Variants in DGKB observed in about 807,000 individuals in gnomAD.
The protein encoded by DGKB is 90 kDa diacylglycerol kinase.
DGKB carries 67 observed loss-of-function variants against 114.3 expected under a neutral mutation model. The observed-to-expected ratio is 0.59, with a 90% CI of 0.48 to 0.72. The LOEUF (loss-of-function observed/expected upper bound fraction) is 0.72. Among genes scored for constraint, DGKB ranks in the 30% least tolerant of loss-of-function variants. The pLI is 0.00. For synonymous variants in DGKB, 398 were observed against 323.1 expected (o/e 1.23, Z -2.49); for missense variants, 907 against 975.2 (o/e 0.93, Z 0.93).
At chr7:14,311,632 C>A (rs563020683) in intron 23 of DGKB, among the ~76,000 whole-genome samples, 1 of 152,202 alleles carries the variant, frequency 6.6e-6, no homozygotes, top group East Asian at 1.9e-4. Context: ...TGCCACATTG[C>A]CCAGGCTGGT....
intron 4 of DGKB, among the ~76,000 whole-genome samples, chr7:14,751,918 G>A (rs184468596): frequency 7.4e-4 from 113 of 152,286 alleles, no homozygotes; most frequent in African/African-American, 2.4e-3. Context: ...ATTAAAGTAT[G>A]ACCACAGCCA....
intron 23 of DGKB, among the ~76,000 whole-genome samples, chr7:14,303,648 G>T (rs1803942933): frequency 6.6e-6 from 1 of 151,778 alleles, no homozygotes; most frequent in African/African-American, 2.4e-5. Context: ...ATGAATCATG[G>T]CAGTACTCTC....
chr7:14,803,691 G>T (rs1842454769), intron 2 of DGKB, among the ~76,000 whole-genome samples: 3 of 151,986 alleles, frequency 2.0e-5, no homozygotes, highest in Admixed American at 1.3e-4. Flanking sequence ...GGTCTACTAA[G>T]ATCTTTCCTC....
chr7:14,628,307 A>ATGTGTGTGTGTGTGTGTGTGTG (rs139191761), intron 14 of DGKB, among the ~76,000 whole-genome samples: 437 of 150,568 alleles, frequency 2.9e-3, no homozygotes, highest in African/African-American at 9.1e-3. Context: ...AACACAAGTT[A>ATGTGTGTGTGTGTGTGTGTGTG]TGTGTGTGTG....
chr7:14,475,507 A>T (rs1242331848), intron 21 of DGKB, among the ~76,000 whole-genome samples: 1 of 152,158 alleles, frequency 6.6e-6, no homozygotes, highest in Non-Finnish European at 1.5e-5. Flanking sequence ...AATATATGGA[A>T]TTCTGTGGCT....
At chr7:14,202,945 C>G (rs993729949) in intron 23 of DGKB, among the ~76,000 whole-genome samples, 4 of 151,898 alleles carry the variant, frequency 2.6e-5, no homozygotes, top group African/African-American at 9.6e-5. Flanking sequence ...ACATTATGAT[C>G]AAAGCAGAAT....
At chr7:14,946,299 G>A (rs1562895117) in intron 1 of DGKB, among the ~76,000 whole-genome samples, 2 of 151,180 alleles carry the variant, frequency 1.3e-5, no homozygotes, top group Non-Finnish European at 3.0e-5. Context: ...GAGTTTTAAG[G>A]AAAAAAAGAA....
intron 1 of DGKB, among the ~76,000 whole-genome samples, chr7:14,916,963 G>T (rs1225375959): frequency 1.3e-5 from 2 of 151,850 alleles, no homozygotes; most frequent in Non-Finnish European, 2.9e-5. Flanking sequence ...GAACTACGCA[G>T]AAATCAATAA....
chr7:14,426,072 C>T (rs914299663), intron 21 of DGKB, among the ~76,000 whole-genome samples: 10 of 152,046 alleles, frequency 6.6e-5, no homozygotes, highest in East Asian at 1.9e-4. Flanking sequence ...TTGTGGCTAC[C>T]GCTAATAGCT....
chr7:14,385,789 T>A (rs748564141), intron 21 of DGKB, among the ~76,000 whole-genome samples: 2 of 152,204 alleles, frequency 1.3e-5, no homozygotes, highest in African/African-American at 2.4e-5. Context: ...AATAATAAGA[T>A]CTAGCAGTAG....
intron 23 of DGKB, among the ~76,000 whole-genome samples, chr7:14,256,935 G>T (rs1315846734): frequency 3.3e-5 from 5 of 152,148 alleles, no homozygotes; most frequent in Middle Eastern, 3.2e-3. Flanking sequence ...GGAGGTTGAG[G>T]TGGGAGAATT....
chr7:14,806,218 T>C (rs1353214309), intron 2 of DGKB, among the ~76,000 whole-genome samples: 1 of 152,054 alleles, frequency 6.6e-6, no homozygotes, highest in East Asian at 1.9e-4. Context: ...CAAAGTGCTA[T>C]GTTGTGATGT....
At chr7:14,534,277 C>G (rs1792067635) in intron 20 of DGKB, among the ~76,000 whole-genome samples, 1 of 151,756 alleles carries the variant, frequency 6.6e-6, no homozygotes, top group South Asian at 2.1e-4. Context: ...CTTATGGTAA[C>G]TATAAAATAA....
intron 13 of DGKB, among the ~76,000 whole-genome samples, chr7:14,639,374 T>A (rs12699651): frequency 7.2e-5 from 11 of 152,014 alleles, no homozygotes; most frequent in Non-Finnish European, 1.3e-4. Flanking sequence ...TCAAACACTG[T>A]AGAGCATTCA....
chr7:14,577,510 G>A (rs1440852513), intron 19 of DGKB, among the ~76,000 whole-genome samples: 11 of 152,194 alleles, frequency 7.2e-5, no homozygotes, highest in East Asian at 5.8e-4. Context: ...CCAGCTACTC[G>A]GGAGGCTGAG....
At chr7:14,574,510 G>T in intron 19 of DGKB, 138 bp from the exon 20 acceptor site, 1 of 687,462 alleles carries the variant, frequency 1.5e-6, no homozygotes, top group Non-Finnish European at 2.4e-6. Context: ...GCCACCAAAT[G>T]AAGAATTAAT....
intron 25 of DGKB, among the ~76,000 whole-genome samples, chr7:14,150,936 T>C (rs1662380245): frequency 6.6e-6 from 1 of 152,052 alleles, no homozygotes; most frequent in Admixed American, 6.6e-5. Flanking sequence ...ATAGACAATA[T>C]ACAAGCTCTG....
chr7:14,967,322 T>C (rs1192594302), intron 1 of DGKB, among the ~76,000 whole-genome samples: 4 of 152,006 alleles, frequency 2.6e-5, no homozygotes, highest in African/African-American at 9.6e-5. Context: ...TTTTTATTTT[T>C]ATTTTTATTT....
At chr7:14,263,742 A>G (rs1462200901) in intron 23 of DGKB, among the ~76,000 whole-genome samples, 1 of 151,526 alleles carries the variant, frequency 6.6e-6, no homozygotes, top group African/African-American at 2.4e-5. Context: ...TGAGAACTCC[A>G]CTGTCCTAAG....
Sources: gnomAD v4.1 joint callset for allele counts (sites outside exome capture counted in the v4.1 genomes callset) on GRCh38, gnomAD v4.1.1 for gene constraint, MANE v1.5 for transcripts, NCBI Gene and HGNC (gene_info 2026-07-23, HGNC 2026-07-21) for gene names.